CNTNAP2: variants seen among roughly 807,000 people sequenced by gnomAD.
CNTNAP2 encodes the protein contactin-associated protein-like 2.
In CNTNAP2, 98 loss-of-function variants were observed where a neutral mutation model predicts 155.2. The observed-to-expected ratio is 0.63, with a 90% CI of 0.54 to 0.75. The LOEUF (loss-of-function observed/expected upper bound fraction) is 0.75. Among genes scored for constraint, CNTNAP2 ranks in the 30% least tolerant of loss-of-function variants. The pLI, the probability that CNTNAP2 is intolerant of heterozygous loss-of-function variation, is 0.00. For missense variants in CNTNAP2, 1,727 were observed against 1,688.1 expected, an observed-to-expected ratio of 1.02 and a Z score of -0.40; for synonymous variants, 651 against 631.2, an observed-to-expected ratio of 1.03 and a Z score of -0.47.
intron 14 of CNTNAP2, among the ~76,000 whole-genome samples, chr7:147,927,259 G>A (rs1323819569): frequency 1.3e-5 from 2 of 152,092 alleles, no homozygotes; most frequent in Non-Finnish European, 2.9e-5. Flanking sequence ...CCACACCTCT[G>A]CCTTATCATA....
intron 3 of CNTNAP2, among the ~76,000 whole-genome samples, chr7:146,994,832 C>T (rs4726814): frequency 0.2 from 30,784 of 151,964 alleles, 3,932 homozygotes; most frequent in Non-Finnish European, 0.27. Context: ...TACATTACTT[C>T]ACAGTTATTT....
chr7:147,419,114 C>A (rs751057774), intron 10 of CNTNAP2, among the ~76,000 whole-genome samples: 1 of 152,148 alleles, frequency 6.6e-6, no homozygotes, highest in Non-Finnish European at 1.5e-5. Flanking sequence ...TCCATAGCCA[C>A]CACATGAAAT....
At chr7:146,611,074 A>G (rs921570049) in intron 1 of CNTNAP2, among the ~76,000 whole-genome samples, 2 of 152,194 alleles carry the variant, frequency 1.3e-5, no homozygotes, top group African/African-American at 4.8e-5. Context: ...ATAGTTGTGT[A>G]TTTATAAGCA....
At chr7:147,618,192 T>C (rs947344973) in intron 12 of CNTNAP2, among the ~76,000 whole-genome samples, 3 of 152,196 alleles carry the variant, frequency 2.0e-5, no homozygotes, top group Non-Finnish European at 4.4e-5. Context: ...TAAGAATATG[T>C]CATAGGTTAC....
At chr7:147,065,349 G>A (rs917134807) in intron 4 of CNTNAP2, among the ~76,000 whole-genome samples, 7 of 152,144 alleles carry the variant, frequency 4.6e-5, no homozygotes, top group Admixed American at 2.0e-4. Flanking sequence ...GAAATATATT[G>A]GATAAGAATG....
chr7:146,531,391 G>A (rs889533118), intron 1 of CNTNAP2, among the ~76,000 whole-genome samples: 2 of 151,922 alleles, frequency 1.3e-5, no homozygotes, highest in Non-Finnish European at 2.9e-5. Flanking sequence ...AAAAAATAAA[G>A]CTGTCTTCCA....
At chr7:146,677,984 T>G (rs1800433219) in intron 1 of CNTNAP2, among the ~76,000 whole-genome samples, 1 of 152,116 alleles carries the variant, frequency 6.6e-6, no homozygotes. Context: ...TTCTGAGCTA[T>G]TTTACTTTTC....
chr7:148,227,751 GGTTT>G (rs1795879152), intron 19 of CNTNAP2, among the ~76,000 whole-genome samples: 1 of 152,162 alleles, frequency 6.6e-6, no homozygotes, highest in Admixed American at 6.5e-5. Flanking sequence ...AAATAGTGAA[GGTTT>G]GTTGAATTTC....
chr7:147,063,854 AAGC>A, intron 4 of CNTNAP2, among the ~76,000 whole-genome samples: 1 of 152,292 alleles, frequency 6.6e-6, no homozygotes, highest in Admixed American at 6.5e-5. Flanking sequence ...AAAAATATAA[AAGC>A]AGTATAAAAA....
chr7:146,229,050 T>C (rs1799340930), intron 1 of CNTNAP2, among the ~76,000 whole-genome samples: 1 of 152,314 alleles, frequency 6.6e-6, no homozygotes, highest in Non-Finnish European at 1.5e-5. Flanking sequence ...TTAATATTCA[T>C]ATAAAACTAT....
intron 11 of CNTNAP2, among the ~76,000 whole-genome samples, chr7:147,559,103 T>C (rs999406547): frequency 6.6e-6 from 1 of 152,118 alleles, no homozygotes; most frequent in African/African-American, 2.4e-5. Flanking sequence ...CTCCAACTCC[T>C]GGCTCCAAGC....
intron 16 of CNTNAP2, among the ~76,000 whole-genome samples, chr7:148,128,094 C>A (rs1243618061): frequency 6.6e-6 from 1 of 152,024 alleles, no homozygotes; most frequent in Non-Finnish European, 1.5e-5. Context: ...GATCTTGAAA[C>A]CTGGACTCAA....
In CNTNAP2 at chr7:146,875,951, A is replaced by AC. The variant is rs1795416960; in HGVS notation, c.402+36047_402+36048insC. On this transcript the variant is annotated intron_variant, in intron 3 of 23. Coordinates refer to ENST00000361727, the MANE Select transcript of CNTNAP2 (RefSeq NM_014141.6). ...ATACACAGCAAAAAAAAAAAAAAAA[A>AC]AAAAAAAAAACAAAAAACAAAAAAA... Among the ~76,000 whole-genome samples the AC allele has an allele frequency of 2.7e-5, 4 of 147,752 alleles. 1 individual carries two copies. Among genetic ancestry groups the AC allele is most frequent in the African/African-American group, 5.0e-5 (2 of 40,132 alleles).
intron 1 of CNTNAP2, among the ~76,000 whole-genome samples, chr7:146,648,096 G>C (rs1017929514): frequency 2.0e-5 from 3 of 152,130 alleles, no homozygotes; most frequent in Non-Finnish European, 2.9e-5. Flanking sequence ...CGTATCACAG[G>C]TTGGACAAAC....
chr7:147,774,129 G>A (rs1797520313), intron 13 of CNTNAP2, among the ~76,000 whole-genome samples: 1 of 151,978 alleles, frequency 6.6e-6, no homozygotes, highest in Non-Finnish European at 1.5e-5. Context: ...GCCCTTTTCT[G>A]CTTTATTTTG....
chr7:146,268,783 T>A (rs1487710216), intron 1 of CNTNAP2, among the ~76,000 whole-genome samples: 3 of 152,234 alleles, frequency 2.0e-5, no homozygotes, highest in African/African-American at 7.2e-5. Context: ...TTTTACCATG[T>A]TATCCAGTAG....
chr7:147,544,854 C>T (rs1799703402), intron 11 of CNTNAP2, among the ~76,000 whole-genome samples: 1 of 152,074 alleles, frequency 6.6e-6, no homozygotes, highest in Non-Finnish European at 1.5e-5. Flanking sequence ...TCTCTCTTGC[C>T]TGCCACCATG....
intron 4 of CNTNAP2, among the ~76,000 whole-genome samples, chr7:147,072,254 T>G (rs1268079937): frequency 6.6e-6 from 1 of 151,700 alleles, no homozygotes; most frequent in Non-Finnish European, 1.5e-5. Flanking sequence ...GAAGGGTGAT[T>G]TGGTATGAAA....
intron 19 of CNTNAP2, among the ~76,000 whole-genome samples, chr7:148,228,700 C>T (rs759891311): frequency 1.4e-4 from 18 of 125,360 alleles, no homozygotes; most frequent in Non-Finnish European, 2.8e-4. Context: ...TGGTAGCGTG[C>T]GCCTGTAGTC....
Sources: gnomAD v4.1 joint callset for allele counts (sites outside exome capture counted in the v4.1 genomes callset) on GRCh38, gnomAD v4.1.1 for gene constraint, MANE v1.5 for transcripts, NCBI Gene and HGNC (gene_info 2026-07-23, HGNC 2026-07-21) for gene names.